Variants in CSMD2 observed in about 807,000 individuals in gnomAD.
The protein encoded by CSMD2 is CUB and sushi domain-containing protein 2.
Under a neutral mutation model 398.5 loss-of-function variants are expected in CSMD2, and 130 were observed. That is an observed-to-expected ratio of 0.33 (90% confidence interval 0.28 to 0.38). The LOEUF is 0.38. CSMD2 is among the 10% of genes least tolerant of loss of function. The probability of loss-of-function intolerance (pLI) is 1.00; values close to 1 mark genes in which losing one functional copy is unlikely to be tolerated. For synonymous variants in CSMD2, 1,828 were observed against 1,908.5 expected (o/e 0.96, Z 1.10); for missense variants, 3,829 against 4,764.9 (o/e 0.80, Z 5.78).
At chr1:33,774,125 G>GTT (rs1373899308) in intron 12 of CSMD2, among the ~76,000 whole-genome samples, 4 of 149,866 alleles carry the variant, frequency 2.7e-5, no homozygotes, top group Admixed American at 2.0e-4. Flanking sequence ...GTGTGTGTGT[G>GTT]TGTGTGTGTG....
intron 1 of CSMD2, among the ~76,000 whole-genome samples, chr1:34,094,011 AG>A (rs1251896181): frequency 1.3e-5 from 2 of 152,140 alleles, no homozygotes; most frequent in African/African-American, 4.8e-5. Context: ...CCAGAGAGAA[AG>A]GTCAGGTTAC....
intron 10 of CSMD2, among the ~76,000 whole-genome samples, chr1:33,806,014 C>T (rs1188504348): frequency 1.3e-5 from 2 of 152,026 alleles, no homozygotes; most frequent in South Asian, 2.1e-4. Context: ...GTCTTGAGTA[C>T]CTTTTAAAAA....
intron 3 of CSMD2, among the ~76,000 whole-genome samples, chr1:34,026,541 C>T (rs553703787): frequency 1.3e-5 from 2 of 152,328 alleles, no homozygotes; most frequent in South Asian, 2.1e-4. Context: ...GAGATGGGCT[C>T]TCCTTCACAA....
At chr1:34,115,919 C>G (rs1026214116) in intron 1 of CSMD2, among the ~76,000 whole-genome samples, 4 of 151,538 alleles carry the variant, frequency 2.6e-5, no homozygotes, top group Non-Finnish European at 5.9e-5. Context: ...TTATGTAATC[C>G]CCATTGTAGC....
rs543445059 is a variant in CSMD2, at chr1:33,686,066, T to C, written c.4052+6864A>G. The stretch of plus-strand genomic sequence containing the variant: ...ATTGTCAGATCTCAAGGAAGGTCAT[T>C]CATTCTTTCTGGGCCTCGATGATCT... On this transcript the variant is annotated intron_variant, in intron 25 of 70. Coordinates refer to ENST00000373381, the MANE Select transcript of CSMD2 (RefSeq NM_001281956.2). 9.2e-5 allele frequency among the ~76,000 whole-genome samples: 14 copies of C among 152,354 alleles called. No homozygotes were observed. In the South Asian group the frequency reaches 2.9e-3, roughly 32 times the overall value.
intron 2 of CSMD2, among the ~76,000 whole-genome samples, chr1:34,084,361 A>G (rs1243219357): frequency 2.0e-5 from 3 of 152,230 alleles, no homozygotes; most frequent in African/African-American, 7.2e-5. Context: ...AATGGTAACA[A>G]AAGCCAAAAT....
intron 25 of CSMD2, among the ~76,000 whole-genome samples, chr1:33,669,199 A>G (rs1252112518): frequency 6.6e-6 from 1 of 152,152 alleles, no homozygotes; most frequent in African/African-American, 2.4e-5. Flanking sequence ...CTTTTACACC[A>G]TCTTCTTTTT....
At chr1:33,675,167 G>A (rs1181209679) in intron 25 of CSMD2, among the ~76,000 whole-genome samples, 1 of 152,130 alleles carries the variant, frequency 6.6e-6, no homozygotes, top group African/African-American at 2.4e-5. Flanking sequence ...AATGAATCCA[G>A]GAGCTAGTTT....
chr1:33,661,225 T>G (rs1487085385), intron 26 of CSMD2, among the ~76,000 whole-genome samples: 2 of 152,190 alleles, frequency 1.3e-5, no homozygotes, highest in Admixed American at 6.5e-5. Context: ...ACCCATCAGC[T>G]TGGGCGCAGT....
chr1:33,675,289 C>T (rs1250167600), intron 25 of CSMD2, among the ~76,000 whole-genome samples: 1 of 152,218 alleles, frequency 6.6e-6, no homozygotes, highest in East Asian at 1.9e-4. Context: ...CACCACCGAT[C>T]CCACAGAAAT....
intron 3 of CSMD2, among the ~76,000 whole-genome samples, chr1:34,029,405 G>T (rs1176142617): frequency 6.6e-6 from 1 of 152,210 alleles, no homozygotes; most frequent in African/African-American, 2.4e-5. Context: ...ACCCGATTCA[G>T]TTGCCTGTTG....
intron 10 of CSMD2, among the ~76,000 whole-genome samples, chr1:33,805,315 C>A (rs1483075427): frequency 6.6e-6 from 1 of 152,194 alleles, no homozygotes; most frequent in Non-Finnish European, 1.5e-5. Flanking sequence ...TCCACCCTCA[C>A]CCCATGTGGC....
intron 3 of CSMD2, among the ~76,000 whole-genome samples, chr1:33,939,851 G>A (rs1644607082): frequency 6.6e-6 from 1 of 152,144 alleles, no homozygotes; most frequent in Non-Finnish European, 1.5e-5. Context: ...AGAGACATGG[G>A]TTCAAATCCC....
intron 13 of CSMD2, among the ~76,000 whole-genome samples, chr1:33,753,960 T>C (rs1376225191): frequency 6.6e-6 from 1 of 152,204 alleles, no homozygotes; most frequent in Non-Finnish European, 1.5e-5. Flanking sequence ...AATAATTTGC[T>C]TTTGATCTCA....
chr1:33,707,170 C>T (rs1645815233), intron 22 of CSMD2, among the ~76,000 whole-genome samples: 2 of 152,206 alleles, frequency 1.3e-5, no homozygotes, highest in East Asian at 3.9e-4. Flanking sequence ...GGCCATACTC[C>T]ATATGACCTC....
chr1:33,961,271 A>T (rs1440862741), intron 3 of CSMD2, among the ~76,000 whole-genome samples: 1 of 152,230 alleles, frequency 6.6e-6, no homozygotes, highest in East Asian at 1.9e-4. Flanking sequence ...TGCTTCCCCC[A>T]GTTCAAGACC....
intron 4 of CSMD2, among the ~76,000 whole-genome samples, chr1:33,925,677 CA>C (rs1260171294): frequency 6.6e-6 from 1 of 152,068 alleles, no homozygotes; most frequent in Non-Finnish European, 1.5e-5. Context: ...TACGGGAAAC[CA>C]TGGGCCTGAT....
intron 1 of CSMD2, among the ~76,000 whole-genome samples, chr1:34,131,771 T>C (rs1464257422): frequency 6.6e-6 from 1 of 152,162 alleles, no homozygotes; most frequent in Non-Finnish European, 1.5e-5. Context: ...GGCCAGAGTC[T>C]CCAGTCAGGG....
chr1:33,557,439 G>A lies in CSMD2; in HGVS notation c.8743+295C>T, dbSNP rs149631838. ...CGCGAGGCAGCCAGTTCTGAAAAAA[G>A]GGAACTCTGTAAGCTGAAGAGGGTG... On this transcript the variant is annotated intron_variant, in intron 55 of 70. Transcript: ENST00000373381. 7.9e-5 allele frequency among the ~76,000 whole-genome samples: 12 copies of A among 152,166 alleles called. No homozygotes were observed. In the East Asian group the frequency reaches 2.1e-3, roughly 27 times the overall value.
Sources: allele counts gnomAD v4.1 joint callset (sites outside exome capture counted in the v4.1 genomes callset), GRCh38; gene constraint gnomAD v4.1.1; transcripts MANE v1.5; gene names NCBI Gene and HGNC (gene_info 2026-07-23, HGNC 2026-07-21).